ZNF69: variants seen among roughly 807,000 people sequenced by gnomAD.
ZNF69 encodes the protein ZNF3.
In ZNF69, 47 loss-of-function variants were observed where a neutral mutation model predicts 50.9. The ratio of observed to expected loss-of-function variants is 0.92; its 90% CI spans 0.73 to 1.18. ZNF69 has a LOEUF of 1.18. ZNF69 is among the 50% of genes most tolerant of loss of function. The pLI is 0.00. For missense variants in ZNF69, 717 were observed against 675.1 expected (o/e 1.06, Z -0.69); for synonymous variants, 216 against 223.1 (o/e 0.97, Z 0.29).
At chr19:11,938,351 A>G in the ZNF69 span, among the ~76,000 whole-genome samples, 2 of 152,116 alleles carry the variant, frequency 1.3e-5, no homozygotes, top group Non-Finnish European at 2.9e-5. Flanking sequence ...CGTTATTTAC[A>G]TTAGGTATAT....
chr19:11,976,944 G>A, the ZNF69 span: 1 of 1,574,388 alleles, frequency 6.4e-7, no homozygotes, highest in African/African-American at 1.4e-5. Flanking sequence ...GGGAATAAAT[G>A]TTTGGAGTCC....
At chr19:11,949,197 A>ATGCT in the ZNF69 span, 18 of 1,613,300 alleles carry the variant, frequency 1.1e-5, no homozygotes, top group Non-Finnish European at 1.4e-5. Flanking sequence ...AACGCTATAA[A>ATGCT]TGCAAGCAAT....
the ZNF69 span, among the ~76,000 whole-genome samples, chr19:11,920,016 C>A: frequency 6.6e-6 from 1 of 152,054 alleles, no homozygotes; most frequent in Non-Finnish European, 1.5e-5. Context: ...CCTCTTGGAC[C>A]CATTGTGAGA....
chr19:11,923,817 A>AG, the ZNF69 span, among the ~76,000 whole-genome samples: 1 of 152,218 alleles, frequency 6.6e-6, no homozygotes, highest in African/African-American at 2.4e-5. Context: ...AATAACCTGC[A>AG]GGGGGCAGCA....
chr19:11,927,763 G>A, the ZNF69 span, among the ~76,000 whole-genome samples: 1 of 152,144 alleles, frequency 6.6e-6, no homozygotes, highest in Non-Finnish European at 1.5e-5. Flanking sequence ...TATTGTTGTG[G>A]GAGTGTAAGG....
the ZNF69 span, among the ~76,000 whole-genome samples, chr19:11,974,082 TTTCTTTCTTTC>T: frequency 4.3e-5 from 3 of 69,606 alleles, no homozygotes; most frequent in African/African-American, 1.9e-4. Flanking sequence ...TCTTTCTTTC[TTTCTTTCTTTC>T]TTTCTTTCTT....
the ZNF69 span, among the ~76,000 whole-genome samples, chr19:11,974,545 T>G: frequency 6.6e-6 from 1 of 151,704 alleles, no homozygotes; most frequent in Admixed American, 6.6e-5. Flanking sequence ...TCCCGTCATA[T>G]GTTTGTTTGA....
chr19:11,913,212 AATAAAATATCCC>A (rs1568283773), intron 4 of ZNF69, among the ~76,000 whole-genome samples: 1 of 151,932 alleles, frequency 6.6e-6, no homozygotes, highest in Non-Finnish European at 1.5e-5. Flanking sequence ...AAAAAGCTAT[AATAAAATATCCC>A]ATTGGTGTCA....
At chr19:11,901,306 T>G (rs1370104362) in intron 1 of ZNF69, among the ~76,000 whole-genome samples, 1 of 152,232 alleles carries the variant, frequency 6.6e-6, no homozygotes, top group African/African-American at 2.4e-5. Context: ...GATATTAACT[T>G]ATTTATGCTG....
rs749203543 is a variant in ZNF69, at chr19:11,903,635, T to G, written c.126T>G (p.Asp42Glu). Residue 42 changes from aspartate (D) to glutamate (E), a missense_variant, in exon 2 of 4, where the codon GAT becomes GAG. By Grantham distance (45) the Asp-to-Glu change is conservative (BLOSUM62 2). Transcript: ENST00000429654. ...CCCAGGAGGAGTGGGCTTTGCTGGATATTTCCCAGAGGAAACTCTACAAGG... is the reference window on the plus strand; with the variant it reads ...CCCAGGAGGAGTGGGCTTTGCTGGAGATTTCCCAGAGGAAACTCTACAAGG... The part of the protein sequence containing the change: ...NFTQEEWALL[D>E]ISQRKLYKEV... 70 of 1,613,996 alleles carry G rather than the reference T, an allele frequency of 4.3e-5. No individual in the cohort carries two copies. The Admixed American group carries it at 6.7e-4, about 15-fold the overall frequency.
chr19:11,958,268 GTAA>G, the ZNF69 span, among the ~76,000 whole-genome samples: 23,657 of 151,602 alleles, frequency 0.16, 4,211 homozygotes, highest in African/African-American at 0.45. Context: ...TGGAACTTGA[GTAA>G]GGTGTTGTAC....
At chr19:11,974,097 C>A in the ZNF69 span, among the ~76,000 whole-genome samples, 4 of 92,526 alleles carry the variant, frequency 4.3e-5, no homozygotes, top group African/African-American at 2.0e-4. Context: ...TTCTTTCTTT[C>A]TTTCTTTCTT....
chr19:11,905,493 G>A lies in ZNF69; in HGVS notation c.1096G>A (p.Gly366Arg). 6.2e-7 allele frequency: 1 copy of A among 1,614,126 alleles called. No homozygotes were observed. The highest frequency in any genetic ancestry group is 8.5e-7 in the Non-Finnish European group (1 of 1,180,030). ...AAGACCTTATGAATGTAAGATATGTGGGAAAGGCTTTTGTTCTGCCAATTC... is the reference window on the plus strand; with the variant it reads ...AAGACCTTATGAATGTAAGATATGTAGGAAAGGCTTTTGTTCTGCCAATTC... Reference protein sequence around the residue: ...GERPYECKICGKGFCSANSFQ... With the variant: ...GERPYECKICRKGFCSANSFQ... The change falls in exon 4 of 4, where the codon GGG becomes AGG. Residue 366 changes from glycine (G) to arginine (R), a missense_variant. By Grantham distance (125) the Gly-to-Arg change is moderately radical. Transcript: ENST00000429654.
intron 1 of ZNF69, among the ~76,000 whole-genome samples, chr19:11,889,425 T>G (rs140984853): frequency 2.5e-3 from 385 of 152,346 alleles, no homozygotes; most frequent in African/African-American, 9.0e-3. Context: ...GGGGGTTCCC[T>G]TGGCCAAGAG....
the ZNF69 span, among the ~76,000 whole-genome samples, chr19:11,931,413 T>A: frequency 1.3e-5 from 2 of 148,180 alleles, no homozygotes; most frequent in Admixed American, 6.6e-5. Context: ...TATGCTCTCA[T>A]CTAATCCTAA....
In ZNF69 at chr19:11,887,821, T is replaced by C; in HGVS notation, c.-103T>C. On this transcript the variant is annotated 5_prime_UTR_variant, in exon 1 of 4. Transcript: ENST00000429654. The stretch of plus-strand genomic sequence containing the variant: ...CACTGAGGGGGTCGCATTCCTTACC[T>C]CACCTTTGTCCCTGCGCGGGCTGCG... 2 of 1,012,896 alleles carry C rather than the reference T, an allele frequency of 2.0e-6. No homozygotes were observed. The highest frequency in any genetic ancestry group is 2.8e-5 in the South Asian group (2 of 71,890). 62.7% of individuals were successfully genotyped at this position (1,012,896 alleles called of 1,614,324 possible).
chr19:11,958,069 C>T, the ZNF69 span, among the ~76,000 whole-genome samples: 1 of 152,140 alleles, frequency 6.6e-6, no homozygotes, highest in Non-Finnish European at 1.5e-5. Flanking sequence ...GTAAGGTGCT[C>T]TTGCACAACA....
intron 3 of ZNF69, 126 bp downstream of exon 3, chr19:11,904,091 A>T: frequency 1.6e-6 from 2 of 1,244,266 alleles, no homozygotes; most frequent in Non-Finnish European, 1.1e-6. Context: ...TATTTGATCA[A>T]AAAACATATA....
chr19:11,903,219 G>C (rs1032493330), intron 1 of ZNF69, among the ~76,000 whole-genome samples: 1 of 152,046 alleles, frequency 6.6e-6, no homozygotes, highest in Non-Finnish European at 1.5e-5. Flanking sequence ...CGGATCACCT[G>C]AGGTCAGCAG....
Sources: allele counts gnomAD v4.1 joint callset (sites outside exome capture counted in the v4.1 genomes callset), GRCh38; gene constraint gnomAD v4.1.1; transcripts MANE v1.5; gene names NCBI Gene and HGNC (gene_info 2026-07-23, HGNC 2026-07-21).